The following PTRH1 variants were observed in gnomAD, a reference collection of about 807,000 sequenced individuals.
PTRH1 encodes the protein peptidyl-tRNA hydrolase.
A neutral mutation model predicts 15.7 loss-of-function variants in PTRH1; 13 were observed. That is an observed-to-expected ratio of 0.83 (90% CI 0.54 to 1.31). The LOEUF (loss-of-function observed/expected upper bound fraction) is 1.31. Ranked by LOEUF, PTRH1 falls within the 40% of genes most tolerant of loss-of-function variation. The pLI is 0.00. For synonymous variants in PTRH1, 139 were observed against 136.7 expected, an observed-to-expected ratio of 1.02 and a Z score of -0.12; for missense variants, 319 against 296.2, an observed-to-expected ratio of 1.08 and a Z score of -0.56.
intron 1 of PTRH1, among the ~76,000 whole-genome samples, chr9:127,706,779 T>G (rs66548047): frequency 0.099 from 15,072 of 152,150 alleles, 1,400 homozygotes; most frequent in African/African-American, 0.24. Context: ...AGAAAGAGGG[T>G]TGTCCCCAGA....
At chr9:127,694,834 A>G (rs1459207016) in intron 2 of PTRH1, 1 of 600,640 alleles carries the variant, frequency 1.7e-6, no homozygotes, top group Non-Finnish European at 3.0e-6. Flanking sequence ...ACCGTTGGAG[A>G]CTTTTAGCAG....
chr9:127,715,363 TG>T lies in PTRH1; in HGVS notation c.97-170del. 1 of 1,239,904 alleles carries T rather than the reference TG, an allele frequency of 8.1e-7. No individual in the cohort carries two copies. The highest frequency in any genetic ancestry group is 1.1e-6 in the Non-Finnish European group (1 of 875,096). 76.8% of individuals were successfully genotyped at this position (1,239,904 alleles called of 1,614,324 possible). On this transcript the variant is annotated intron_variant, in intron 1 of 4. Coordinates refer to ENST00000543175, the MANE Select transcript of PTRH1 (RefSeq NM_001002913.3). The surrounding 1 kb of genome is among the most constrained non-coding windows in gnomAD (Gnocchi z 5.8). ...CCGACCCCTGAGAACTCCAGAAGGC[TG>T]GGCAGGCAGGGCGCCCTAGTGCAGG...
Position 127,694,614 on chromosome 9 carries a change from G to A in PTRH1, c.420+313C>T, listed in dbSNP as rs1049274939. 3.9e-5 allele frequency among the ~76,000 whole-genome samples: 6 copies of A among 152,032 alleles called. No homozygotes were observed. In the South Asian group the frequency reaches 1.2e-3, roughly 32 times the overall value. On this transcript the variant is annotated intron_variant, in intron 2 of 2. Transcript: ENST00000335223. ...AACGGTGTTAAATATCCTTGGAGGA[G>A]CAGGGAATTCCAGGAACAAATGCTT...
chr9:127,714,134 C>G lies in PTRH1; in HGVS notation c.611G>C (p.Arg204Pro), dbSNP rs758004584. Residue 204 changes from arginine (R) to proline (P), a missense_variant, in exon 5 of 5, where the codon CGT (arginine) becomes CCT (proline). Physicochemically the swap from Arg to Pro is moderately radical, Grantham distance 103 (BLOSUM62 -2). Transcript: ENST00000543175. ...CAGTGAGGGCCCCTGGCTTCGCTCA[C>G]GGATGTGGTCCAAGATCAGGTCGGT... Reference protein sequence around the residue: ...RATDLILDHIRERSQGPSLGP With the variant: ...RATDLILDHIPERSQGPSLGP 1 of 1,613,622 alleles carries G rather than the reference C, an allele frequency of 6.2e-7. No homozygotes were observed.
Position 127,714,266 on chromosome 9 carries a change from C to T in PTRH1, c.479G>A (p.Arg160Gln), listed in dbSNP as rs1446283660. ...GTGCGCCGGGCGCCCGATACCCACCCGCAGCCTTGGCATTGCCTGTGGGAG... is the reference window on the plus strand; with the variant it reads ...GTGCGCCGGGCGCCCGATACCCACCTGCAGCCTTGGCATTGCCTGTGGGAG... Reference protein sequence around the residue: ...CLNSNAMPRLRVGIGRPAHPE... With the variant: ...CLNSNAMPRLQVGIGRPAHPE... Residue 160 changes from arginine to glutamine, a missense_variant, in exon 5 of 5, where the codon CGG (arginine) becomes CAG (glutamine). By Grantham distance (43) the Arg-to-Gln change is conservative. Transcript: ENST00000543175. 5.0e-6 allele frequency: 8 copies of T among 1,613,936 alleles called. No individual in the cohort carries two copies. Among genetic ancestry groups the T allele is most frequent in the South Asian group, 1.1e-5 (1 of 91,080 alleles).
rs1228721943 is a variant in PTRH1, at chr9:127,713,813, C to G, written c.*287G>C. On this transcript the variant is annotated 3_prime_UTR_variant, in exon 5 of 5. Transcript: ENST00000543175. ...TGAGCCACTGCACCCGGCCTCCAAG[C>G]CAGCATCTTTAATCTTACAGATGCG... 1 of 1,611,890 alleles carries G rather than the reference C, an allele frequency of 6.2e-7. No homozygotes were observed. The highest frequency in any genetic ancestry group is 8.5e-7 in the Non-Finnish European group (1 of 1,178,456).
chr9:127,697,585 C>T (rs964452422), intron 1 of PTRH1, among the ~76,000 whole-genome samples: 4 of 152,126 alleles, frequency 2.6e-5, no homozygotes, highest in African/African-American at 4.8e-5. Context: ...CACTTGAACC[C>T]GGGAAGCAGA....
At chr9:127,711,124 G>A (rs1261574509), downstream of PTRH1, 1 of 1,392,830 alleles carries the variant, frequency 7.2e-7, no homozygotes, top group East Asian at 2.5e-5. Context: ...GAGAGAGCAT[G>A]CTGGTGTTTA....
At chr9:127,696,354 CTTA>C (rs1471716645) in intron 1 of PTRH1, among the ~76,000 whole-genome samples, 2 of 152,130 alleles carry the variant, frequency 1.3e-5, no homozygotes, top group African/African-American at 2.4e-5. Context: ...ATATATGGCA[CTTA>C]TTATGTGCCA....
intron 1 of PTRH1, chr9:127,706,941 A>C (rs1588386895): frequency 6.8e-7 from 1 of 1,480,536 alleles, no homozygotes; most frequent in South Asian, 1.3e-5. Flanking sequence ...GCCCAGCCTC[A>C]CTCCCTCGGC....
Position 127,714,400 on chromosome 9 carries a change from G to A in PTRH1, c.441C>T (p.Cys147=), listed in dbSNP as rs754846701. Residue 147 remains cysteine, a synonymous_variant, in exon 4 of 5, where the codon TGC becomes TGT. Transcript: ENST00000543175. ...TCACATTGGAGTTGAGGCAGCTAAT[G>A]CAGGAACGGACTCCATTGTGGCCCC... The part of the protein sequence containing the change: ...SARGHNGVRS[C]ISCLNSNAMP... 8.7e-6 allele frequency: 14 copies of A among 1,614,118 alleles called. No individual in the cohort carries two copies. The highest frequency in any genetic ancestry group is 1.2e-5 in the Non-Finnish European group (14 of 1,180,046).
chr9:127,695,666 AGCT>A (rs1842553703), intron 1 of PTRH1: 1 of 152,378 alleles, frequency 6.6e-6, no homozygotes, highest in Non-Finnish European at 1.5e-5. Context: ...AGAAGCTCAG[AGCT>A]GCTGCTTTTG....
At chr9:127,709,632 C>T, downstream of PTRH1, 2 of 1,613,784 alleles carry the variant, frequency 1.2e-6, no homozygotes, top group African/African-American at 1.3e-5. The surrounding 1 kb of genome is among the most constrained non-coding windows in gnomAD (Gnocchi z 4.7). Context: ...CGCAGCTGGC[C>T]CAGGTGCGCC....
downstream of PTRH1, chr9:127,713,496 C>CTTTTTTT (rs58502035): frequency 5.5e-5 from 5 of 90,194 alleles, no homozygotes; most frequent in East Asian, 2.7e-4. Flanking sequence ...CAGCATCTTT[C>CTTTTTTT]TTTTTTTTTT....
At chr9:127,695,373 T>C in intron 1 of PTRH1, 2 of 499,788 alleles carry the variant, frequency 4.0e-6, no homozygotes, top group Middle Eastern at 4.9e-4. Flanking sequence ...AGCTTCAATG[T>C]TGCAGGCTGA....
At chr9:127,694,881 C>A in intron 2 of PTRH1, 2 of 664,640 alleles carry the variant, frequency 3.0e-6, no homozygotes, top group South Asian at 1.6e-5. Context: ...GTACAGGAAG[C>A]AGAAGGCCAG....
chr9:127,695,080 A>ATGATGATGATGATGATGG, exon 2 of PTRH1: 2 of 700,936 alleles, frequency 2.9e-6, no homozygotes, highest in South Asian at 1.5e-5. Context: ...GATGATGATG[A>ATGATGATGATGATGATGG]TGATGATGAT....
chr9:127,708,338 A>G (rs1022036955), intron 1 of PTRH1, among the ~76,000 whole-genome samples: 3 of 152,084 alleles, frequency 2.0e-5, no homozygotes, highest in Non-Finnish European at 4.4e-5. Context: ...TTAGCTGGGC[A>G]TGGTGGCGGG....
At chr9:127,699,883 GAA>G (rs1015623592) in intron 1 of PTRH1, among the ~76,000 whole-genome samples, 21 of 152,116 alleles carry the variant, frequency 1.4e-4, no homozygotes, top group African/African-American at 4.3e-4. Flanking sequence ...GTGACCTGGA[GAA>G]GTTACTTAAC....
Sources: allele counts gnomAD v4.1 joint callset (sites outside exome capture counted in the v4.1 genomes callset), GRCh38; gene constraint gnomAD v4.1.1; non-coding constraint Gnocchi (gnomAD v3.1); transcripts MANE v1.5; gene names NCBI Gene and HGNC (gene_info 2026-07-23, HGNC 2026-07-21).